PLCB1: variants seen among roughly 807,000 people sequenced by gnomAD.
The protein encoded by PLCB1 is 1-phosphatidylinositol 4,5-bisphosphate phosphodiesterase beta-1.
PLCB1 carries 46 observed loss-of-function variants against 161.8 expected under a neutral mutation model. That is an observed-to-expected ratio of 0.28 (90% confidence interval 0.22 to 0.36). The LOEUF is 0.36. PLCB1 is among the 10% of genes least tolerant of loss of function. PLCB1 has a pLI of 1.00. For missense variants in PLCB1, 1,016 were observed against 1,472.5 expected (o/e 0.69, Z 5.07); for synonymous variants, 517 against 503.7 (o/e 1.03, Z -0.35).
At position 8,149,379 on chromosome 20, in the gene PLCB1, T is replaced by C. The variant is rs763474193; in HGVS notation, c.100-915T>C. ...TTACAATAAAACTTAATATGTAGATTAAAATCATTCATACTGCTCTGCCCA... is the reference window on the plus strand; with the variant it reads ...TTACAATAAAACTTAATATGTAGATCAAAATCATTCATACTGCTCTGCCCA... On this transcript the variant is annotated intron_variant, in intron 1 of 31. Coordinates refer to ENST00000338037, the MANE Select transcript of PLCB1 (RefSeq NM_015192.4). 2.6e-5 allele frequency among the ~76,000 whole-genome samples: 4 copies of C among 152,282 alleles called. No homozygotes were observed. The South Asian group carries it at 8.3e-4, about 32-fold the overall frequency.
chr20:8,771,967 G>A (rs910561486), intron 26 of PLCB1, among the ~76,000 whole-genome samples: 6 of 150,860 alleles, frequency 4.0e-5, no homozygotes, highest in African/African-American at 1.5e-4. Context: ...CTGCAGTCTC[G>A]ACCTCCTGGG....
At chr20:8,723,032 G>A (rs1047128165) in intron 15 of PLCB1, among the ~76,000 whole-genome samples, 8 of 152,138 alleles carry the variant, frequency 5.3e-5, no homozygotes, top group South Asian at 4.2e-4. Context: ...TTAAAAATAC[G>A]TATTTTAAAG....
At chr20:8,594,701 A>G (rs1202552104) in intron 3 of PLCB1, among the ~76,000 whole-genome samples, 1 of 151,986 alleles carries the variant, frequency 6.6e-6, no homozygotes, top group African/African-American at 2.4e-5. Flanking sequence ...AAAAAAAAGC[A>G]CTTTTAAGAC....
chr20:8,233,355 A>T (rs189421929), intron 2 of PLCB1, among the ~76,000 whole-genome samples: 92 of 152,264 alleles, frequency 6.0e-4, no homozygotes, highest in Non-Finnish European at 1.1e-3. Context: ...GAGAAAGACA[A>T]TAAGAATGAA....
At chr20:8,234,816 A>G (rs1427014728) in intron 2 of PLCB1, among the ~76,000 whole-genome samples, 1 of 152,160 alleles carries the variant, frequency 6.6e-6, no homozygotes, top group African/African-American at 2.4e-5. Flanking sequence ...GTGTCTCAAG[A>G]GACAGTGTGA....
chr20:8,402,048 C>T (rs533692613), intron 3 of PLCB1, among the ~76,000 whole-genome samples: 1 of 152,200 alleles, frequency 6.6e-6, no homozygotes, highest in East Asian at 1.9e-4. Flanking sequence ...TTTCCATTTT[C>T]CCCTGAGATC....
intron 3 of PLCB1, among the ~76,000 whole-genome samples, chr20:8,517,575 C>T (rs1440516476): frequency 6.6e-6 from 1 of 152,104 alleles, no homozygotes; most frequent in Non-Finnish European, 1.5e-5. Context: ...CCACTTAACA[C>T]CCTCCCCCAG....
chr20:8,632,196 CCAGGAAGGAACA>C (rs950061954), intron 4 of PLCB1, among the ~76,000 whole-genome samples: 45 of 151,192 alleles, frequency 3.0e-4, no homozygotes, highest in African/African-American at 1.0e-3. Flanking sequence ...AATTTGGGCC[CCAGGAAGGAACA>C]CAGTAAACGG....
At chr20:8,442,680 G>A (rs940774268) in intron 3 of PLCB1, among the ~76,000 whole-genome samples, 1 of 152,024 alleles carries the variant, frequency 6.6e-6, no homozygotes, top group Non-Finnish European at 1.5e-5. Flanking sequence ...TAATTCAGAT[G>A]GACATTTCTT....
chr20:8,523,496 C>CTATATATATATA (rs777011717), intron 3 of PLCB1, among the ~76,000 whole-genome samples: 3 of 51,646 alleles, frequency 5.8e-5, no homozygotes, highest in East Asian at 4.0e-4. Flanking sequence ...CTCTCTCTCT[C>CTATATATATATA]TATATATATA....
chr20:8,867,793 C>T (rs1018027360), intron 31 of PLCB1, among the ~76,000 whole-genome samples: 1 of 152,164 alleles, frequency 6.6e-6, no homozygotes, highest in African/African-American at 2.4e-5. Context: ...TCCACTACTT[C>T]TCAATTGCCT....
chr20:8,222,564 A>G (rs1328067458), intron 2 of PLCB1, among the ~76,000 whole-genome samples: 1 of 151,992 alleles, frequency 6.6e-6, no homozygotes, highest in South Asian at 2.1e-4. Flanking sequence ...ATTTCTTTGT[A>G]TTTATTCTAC....
intron 10 of PLCB1, among the ~76,000 whole-genome samples, chr20:8,696,498 A>G (rs990847089): frequency 6.6e-6 from 1 of 152,098 alleles, no homozygotes; most frequent in Non-Finnish European, 1.5e-5. Flanking sequence ...ACATTTCTAT[A>G]TGAACTTTGG....
chr20:8,627,057 T>C (rs573778460), intron 3 of PLCB1, among the ~76,000 whole-genome samples: 1 of 152,206 alleles, frequency 6.6e-6, no homozygotes, highest in Non-Finnish European at 1.5e-5. Flanking sequence ...TCTAGGAGGC[T>C]TGATGTACTT....
At chr20:8,447,337 A>G (rs1980878821) in intron 3 of PLCB1, among the ~76,000 whole-genome samples, 1 of 152,218 alleles carries the variant, frequency 6.6e-6, no homozygotes, top group Non-Finnish European at 1.5e-5. Context: ...CAAGCAGCAT[A>G]TCTTTTGCTC....
chr20:8,209,679 C>T (rs1978719733), intron 2 of PLCB1, among the ~76,000 whole-genome samples: 1 of 152,042 alleles, frequency 6.6e-6, no homozygotes, highest in African/African-American at 2.4e-5. Flanking sequence ...GAGTTTCTCT[C>T]TTCATTCCCT....
chr20:8,172,997 T>C (rs1243887749), intron 2 of PLCB1, among the ~76,000 whole-genome samples: 1 of 152,180 alleles, frequency 6.6e-6, no homozygotes, highest in East Asian at 1.9e-4. Flanking sequence ...CCCAGCACCA[T>C]TGGCAAAGGG....
chr20:8,695,269 G>A (rs1015137807), intron 10 of PLCB1, among the ~76,000 whole-genome samples: 18 of 152,168 alleles, frequency 1.2e-4, no homozygotes, highest in Non-Finnish European at 2.4e-4. Context: ...ATTATGACAT[G>A]CATATAAAAA....
intron 2 of PLCB1, among the ~76,000 whole-genome samples, chr20:8,239,413 G>T (rs1024003020): frequency 6.6e-6 from 1 of 151,950 alleles, no homozygotes; most frequent in Non-Finnish European, 1.5e-5. Context: ...GTCACCATCC[G>T]GTGTAAGGAA....
Sources: allele counts gnomAD v4.1 joint callset (sites outside exome capture counted in the v4.1 genomes callset), GRCh38; gene constraint gnomAD v4.1.1; transcripts MANE v1.5; gene names NCBI Gene and HGNC (gene_info 2026-07-23, HGNC 2026-07-21).